The following SCOC variants were observed in gnomAD, a reference collection of about 807,000 sequenced individuals.
SCOC encodes short coiled-coil protein, also known as short coiled coil protein.
Under a neutral mutation model 9.9 loss-of-function variants are expected in SCOC, and 7 were observed. The ratio of observed to expected loss-of-function variants is 0.71; its 90% CI spans 0.40 to 1.33. The LOEUF (loss-of-function observed/expected upper bound fraction) is 1.33. SCOC is among the 40% of genes most tolerant of loss of function. The pLI, the probability that SCOC is intolerant of heterozygous loss-of-function variation, is 0.01. For missense variants in SCOC, 66 were observed against 89.7 expected, an observed-to-expected ratio of 0.74 and a Z score of 1.07; for synonymous variants, 19 against 28.2, an observed-to-expected ratio of 0.67 and a Z score of 1.03.
At chr4:140,380,498 G>A (rs185518989) in intron 3 of SCOC, among the ~76,000 whole-genome samples, 12 of 151,844 alleles carry the variant, frequency 7.9e-5, no homozygotes, top group East Asian at 7.7e-4. Context: ...GTGCCCAGCC[G>A]GAATTAACCT....
At chr4:140,319,351 A>T (rs113268884) in intron 1 of SCOC, among the ~76,000 whole-genome samples, 12 of 152,308 alleles carry the variant, frequency 7.9e-5, no homozygotes, top group African/African-American at 2.9e-4. Context: ...TTGGCCTCTC[A>T]AAGTGCTGGG....
At chr4:140,277,081 T>A (rs762045187) in intron 1 of SCOC, among the ~76,000 whole-genome samples, 20 of 152,168 alleles carry the variant, frequency 1.3e-4, no homozygotes, top group African/African-American at 3.9e-4. Flanking sequence ...GAATTTAATT[T>A]AAAAAAATTA....
chr4:140,268,079 G>A (rs1730769556), intron 1 of SCOC, among the ~76,000 whole-genome samples: 1 of 152,182 alleles, frequency 6.6e-6, no homozygotes, highest in Non-Finnish European at 1.5e-5. Flanking sequence ...TTAAGGGAGG[G>A]ACTTTAATGG....
intron 1 of SCOC, among the ~76,000 whole-genome samples, chr4:140,334,928 C>A (rs1433009007): frequency 6.6e-6 from 1 of 151,990 alleles, no homozygotes; most frequent in Admixed American, 6.6e-5. Context: ...ATGACAAAAC[C>A]CTGTCTCAAA....
intron 1 of SCOC, among the ~76,000 whole-genome samples, chr4:140,296,545 GA>G (rs1731642330): frequency 6.6e-6 from 1 of 152,154 alleles, no homozygotes. Flanking sequence ...AAGTGCAGTG[GA>G]AAAGCCTCTC....
chr4:140,266,458 C>T (rs896497560), intron 1 of SCOC, among the ~76,000 whole-genome samples: 7 of 152,068 alleles, frequency 4.6e-5, no homozygotes, highest in South Asian at 2.1e-4. Flanking sequence ...CAGGAGTCTT[C>T]GTTTTATAAG....
chr4:140,369,189 C>T, upstream of SCOC: 1 of 245,436 alleles, frequency 4.1e-6, no homozygotes, highest in Non-Finnish European at 8.6e-6. Context: ...TATACATGAA[C>T]ACCTTAATTT....
At chr4:140,272,928 C>T (rs1044787198) in intron 1 of SCOC, among the ~76,000 whole-genome samples, 11 of 152,212 alleles carry the variant, frequency 7.2e-5, no homozygotes, top group African/African-American at 2.4e-4. Context: ...GGAAAAATAT[C>T]CATTCAGTGC....
At chr4:140,305,687 G>A (rs1560692782) in intron 1 of SCOC, among the ~76,000 whole-genome samples, 1 of 152,180 alleles carries the variant, frequency 6.6e-6, no homozygotes, top group Non-Finnish European at 1.5e-5. Context: ...GAGGAAGGTA[G>A]GGGAGAGGTG....
intron 2 of SCOC, among the ~76,000 whole-genome samples, chr4:140,351,468 G>A (rs1726975155): frequency 6.6e-6 from 1 of 151,950 alleles, no homozygotes; most frequent in Non-Finnish European, 1.5e-5. Context: ...CTCAGCCTCC[G>A]TCCTGACTCT....
intron 1 of SCOC, among the ~76,000 whole-genome samples, chr4:140,332,357 ATCTT>A (rs1732840962): frequency 9.3e-6 from 1 of 107,098 alleles, no homozygotes; most frequent in Non-Finnish European, 2.0e-5. Context: ...CTCTGGAGTC[ATCTT>A]TTTTTTTTTT....
chr4:140,286,593 G>C (rs567944483), intron 1 of SCOC, among the ~76,000 whole-genome samples: 1 of 152,358 alleles, frequency 6.6e-6, no homozygotes, highest in African/African-American at 2.4e-5. Context: ...TTAAAATGCA[G>C]TGCTGTTTGG....
chr4:140,269,735 G>A (rs1323729522), intron 1 of SCOC, among the ~76,000 whole-genome samples: 1 of 152,124 alleles, frequency 6.6e-6, no homozygotes, highest in Non-Finnish European at 1.5e-5. Flanking sequence ...CAAGTTCCTA[G>A]TCTATTCACA....
intron 1 of SCOC, among the ~76,000 whole-genome samples, chr4:140,259,757 C>G (rs1247658882): frequency 6.6e-6 from 1 of 152,158 alleles, no homozygotes; most frequent in Non-Finnish European, 1.5e-5. Context: ...ACTTACTTAC[C>G]TGTAATCCTC....
intron 2 of SCOC, among the ~76,000 whole-genome samples, chr4:140,364,556 T>C (rs1365760444): frequency 1.3e-5 from 2 of 152,182 alleles, no homozygotes; most frequent in Non-Finnish European, 2.9e-5. Flanking sequence ...AGGCTACCTA[T>C]ACTGTTTTGT....
chr4:140,278,787 T>A (rs73855711), intron 1 of SCOC, among the ~76,000 whole-genome samples: 1,817 of 152,144 alleles, frequency 0.012, 40 homozygotes, highest in African/African-American at 0.04. Context: ...CTATCTCCAC[T>A]CCCTGCCATA....
chr4:140,342,074 G>C (rs1231817935), upstream of SCOC, among the ~76,000 whole-genome samples: 1 of 151,980 alleles, frequency 6.6e-6, no homozygotes, highest in East Asian at 1.9e-4. Context: ...TAGAGGACTT[G>C]AACTAACACA....
At chr4:140,269,760 C>G (rs1320886345) in intron 1 of SCOC, among the ~76,000 whole-genome samples, 3 of 151,898 alleles carry the variant, frequency 2.0e-5, no homozygotes, top group African/African-American at 7.3e-5. Flanking sequence ...TACCTTTTTT[C>G]TTTTTTTAGA....
At chr4:140,276,779 A>T (rs1730994196) in intron 1 of SCOC, among the ~76,000 whole-genome samples, 2 of 152,064 alleles carry the variant, frequency 1.3e-5, no homozygotes, top group Non-Finnish European at 2.9e-5. Flanking sequence ...TTAAAGCAAA[A>T]AAAAAACCAT....
Sources: gnomAD v4.1 joint callset for allele counts (sites outside exome capture counted in the v4.1 genomes callset) on GRCh38, gnomAD v4.1.1 for gene constraint, MANE v1.5 for transcripts, NCBI Gene and HGNC (gene_info 2026-07-23, HGNC 2026-07-21) for gene names.